MAMDC2: variants seen among roughly 807,000 people sequenced by gnomAD.
The protein encoded by MAMDC2 is MAM domain containing 2.
MAMDC2 carries 57 observed loss-of-function variants against 89.8 expected under a neutral mutation model. The observed-to-expected ratio is 0.63, with a 90% CI of 0.51 to 0.79. The LOEUF (loss-of-function observed/expected upper bound fraction) is 0.79. Ranked by LOEUF, MAMDC2 falls within the 30% of genes least tolerant of loss-of-function variation. MAMDC2 has a pLI of 0.00. For synonymous variants in MAMDC2, 313 were observed against 293.4 expected (o/e 1.07, Z -0.68); for missense variants, 800 against 820.6 (o/e 0.97, Z 0.31).
chr9:70,209,537 G>A (rs1376079862), intron 11 of MAMDC2, among the ~76,000 whole-genome samples: 1 of 50,130 alleles, frequency 2.0e-5, no homozygotes, highest in Non-Finnish European at 4.6e-5. Flanking sequence ...TTATTAGTCT[G>A]AGCGGTCTAT....
intron 9 of MAMDC2, among the ~76,000 whole-genome samples, chr9:70,156,404 A>G (rs2118470786): frequency 6.6e-6 from 1 of 152,288 alleles, no homozygotes; most frequent in East Asian, 1.9e-4. Context: ...ACAGCCAGAC[A>G]CCCTGCTATA....
intron 2 of MAMDC2, chr9:70,092,318 T>C (rs1302591178): frequency 1.3e-5 from 2 of 152,190 alleles, no homozygotes; most frequent in African/African-American, 4.8e-5. Context: ...CAGCCAAGGT[T>C]GAGAACAGCT....
At chr9:70,161,853 T>C (rs992325994) in intron 9 of MAMDC2, among the ~76,000 whole-genome samples, 4 of 152,340 alleles carry the variant, frequency 2.6e-5, no homozygotes, top group Non-Finnish European at 4.4e-5. Context: ...AACTCTGTAG[T>C]TGTCGTAACC....
At chr9:70,154,527 A>T (rs984726858) in intron 9 of MAMDC2, among the ~76,000 whole-genome samples, 2 of 135,854 alleles carry the variant, frequency 1.5e-5, no homozygotes, top group African/African-American at 2.8e-5. Flanking sequence ...ATTTGGAACA[A>T]TTTTTTTTTT....
chr9:70,080,970 G>A (rs1827638974), intron 2 of MAMDC2, among the ~76,000 whole-genome samples: 1 of 152,200 alleles, frequency 6.6e-6, no homozygotes, highest in Non-Finnish European at 1.5e-5. Flanking sequence ...TCAGCTCACT[G>A]AGGTAGGCCC....
At chr9:70,107,826 T>A (rs1170748601) in intron 2 of MAMDC2, among the ~76,000 whole-genome samples, 1 of 152,220 alleles carries the variant, frequency 6.6e-6, no homozygotes, top group Non-Finnish European at 1.5e-5. Context: ...TCCCTCAGCC[T>A]GCAGAAACAT....
chr9:70,204,240 G>A (rs1418122363), intron 11 of MAMDC2, among the ~76,000 whole-genome samples: 1 of 148,982 alleles, frequency 6.7e-6, no homozygotes, highest in African/African-American at 2.5e-5. Context: ...TTTCGGTGTG[G>A]ATGTCCTTTC....
chr9:70,170,616 C>T lies in MAMDC2; in HGVS notation c.1636C>T (p.His546Tyr), dbSNP rs533097137. 1.2e-6 allele frequency: 2 copies of T among 1,607,436 alleles called. No individual in the cohort carries two copies. Among genetic ancestry groups the T allele is most frequent in the East Asian group, 2.3e-5 (1 of 44,430 alleles). ...PTSYTGPKGD[H>Y]TTGVGYYMYI... ...TTCCTACACAGGACCAAAGGGAGAT[C>T]ACACTACTGGGGTAGGTGAGTTATG... Residue 546 changes from histidine (H) to tyrosine (Y), a missense_variant, in exon 11 of 14, where the codon CAC becomes TAC. By Grantham distance (83) the His-to-Tyr change is moderately conservative (BLOSUM62 2). Transcript: ENST00000377182.
intron 11 of MAMDC2, among the ~76,000 whole-genome samples, chr9:70,200,262 C>G (rs1296027479): frequency 6.6e-6 from 1 of 151,122 alleles, no homozygotes; most frequent in East Asian, 1.9e-4. Flanking sequence ...TTTCAGCTTC[C>G]TACATATGGC....
At chr9:70,139,110 T>TTTTA (rs750149504) in intron 7 of MAMDC2, among the ~76,000 whole-genome samples, 1 of 151,642 alleles carries the variant, frequency 6.6e-6, no homozygotes, top group African/African-American at 2.4e-5. Context: ...GGAAATTTCT[T>TTTTA]TTTATTTATT....
At chr9:70,118,258 A>C (rs1007313902) in intron 5 of MAMDC2, among the ~76,000 whole-genome samples, 4 of 148,862 alleles carry the variant, frequency 2.7e-5, no homozygotes, top group Non-Finnish European at 3.0e-5. Context: ...CAACCTTTGG[A>C]CTAATATTTT....
chr9:70,126,162 A>G lies in MAMDC2; in HGVS notation c.647A>G (p.His216Arg). 1 of 1,601,498 alleles carries G rather than the reference A, an allele frequency of 6.2e-7. No individual in the cohort carries two copies. The highest frequency in any genetic ancestry group is 1.4e-5 in the African/African-American group (1 of 72,274). Reference protein sequence around the residue: ...QDHTFKSELGHYMYVDSVYVK... With the variant: ...QDHTFKSELGRYMYVDSVYVK... Reference sequence around the variant, plus strand: ...GCTCTGTCTGTGTGATTTTCAGGCCACTACATGTACGTGGACTCAGTTTAT... The same window carrying G: ...GCTCTGTCTGTGTGATTTTCAGGCCGCTACATGTACGTGGACTCAGTTTAT... Residue 216 changes from histidine (H) to arginine (R), a missense_variant, in exon 6 of 14, where the codon CAC (histidine) becomes CGC (arginine). Transcript: ENST00000377182.
intron 11 of MAMDC2, among the ~76,000 whole-genome samples, chr9:70,197,313 T>C (rs1409829754): frequency 1.3e-5 from 2 of 152,112 alleles, no homozygotes; most frequent in Non-Finnish European, 2.9e-5. Flanking sequence ...TTGTGAATGA[T>C]TTTAAAGGCT....
intron 11 of MAMDC2, chr9:70,171,912 T>A (rs531283712): frequency 6.6e-6 from 1 of 152,358 alleles, no homozygotes; most frequent in Admixed American, 6.5e-5. Flanking sequence ...AAAGCTGTTC[T>A]GGGCCACATG....
intron 11 of MAMDC2, among the ~76,000 whole-genome samples, chr9:70,207,307 T>G (rs1191216992): frequency 6.6e-6 from 1 of 151,690 alleles, no homozygotes; most frequent in African/African-American, 2.4e-5. Flanking sequence ...TCCTGACTTT[T>G]TAATGATCGT....
At chr9:70,137,513 A>T (rs1215019520) in intron 7 of MAMDC2, among the ~76,000 whole-genome samples, 5 of 152,154 alleles carry the variant, frequency 3.3e-5, no homozygotes, top group African/African-American at 1.2e-4. Context: ...CTGGACCAAG[A>T]TTGAATCTTG....
intron 3 of MAMDC2, 107 bp downstream of exon 3, chr9:70,108,589 T>C: frequency 1.0e-6 from 1 of 954,154 alleles, no homozygotes; most frequent in Non-Finnish European, 1.5e-6. Flanking sequence ...TCCTGGATTA[T>C]GACGTGATGT....
intron 11 of MAMDC2, among the ~76,000 whole-genome samples, chr9:70,176,805 G>A (rs2032515949): frequency 6.6e-6 from 1 of 152,098 alleles, no homozygotes; most frequent in African/African-American, 2.4e-5. Flanking sequence ...TTTTGTTCTT[G>A]TTCTTGAAAT....
intron 11 of MAMDC2, among the ~76,000 whole-genome samples, chr9:70,191,195 T>G (rs1291177747): frequency 6.6e-6 from 1 of 152,110 alleles, no homozygotes; most frequent in East Asian, 1.9e-4. Context: ...TTCCCAGAAT[T>G]CTGAAAAAGT....
Sources: allele counts gnomAD v4.1 joint callset (sites outside exome capture counted in the v4.1 genomes callset), GRCh38; gene constraint gnomAD v4.1.1; transcripts MANE v1.5; gene names NCBI Gene and HGNC (gene_info 2026-07-23, HGNC 2026-07-21).